Variants in EPB41L5 observed in about 807,000 individuals in gnomAD.
EPB41L5 encodes band 4.1-like protein 5.
A neutral mutation model predicts 106.6 loss-of-function variants in EPB41L5; 55 were observed. The observed-to-expected ratio is 0.52, with a 90% CI of 0.42 to 0.65. The LOEUF (loss-of-function observed/expected upper bound fraction) is 0.65, where lower values mean the gene tolerates loss of function less well. Ranked by LOEUF, EPB41L5 falls within the 30% of genes least tolerant of loss-of-function variation. EPB41L5 has a pLI of 0.00. For missense variants in EPB41L5, 871 were observed against 882.1 expected (o/e 0.99, Z 0.16); for synonymous variants, 297 against 306.7 (o/e 0.97, Z 0.33).
chr2:120,075,554 T>A (rs1321018270), intron 6 of EPB41L5, 34 bp downstream of exon 6: 2 of 1,492,994 alleles, frequency 1.3e-6, no homozygotes. Flanking sequence ...AAATGCACAT[T>A]TTCGTGAGTG....
At chr2:120,112,501 T>C (rs1684768173) in intron 16 of EPB41L5, among the ~76,000 whole-genome samples, 1 of 152,154 alleles carries the variant, frequency 6.6e-6, no homozygotes, top group African/African-American at 2.4e-5. Context: ...TAAACAGTTT[T>C]ACAAATAACT....
intron 18 of EPB41L5, among the ~76,000 whole-genome samples, chr2:120,141,919 A>C (rs1686189540): frequency 6.6e-6 from 1 of 152,064 alleles, no homozygotes; most frequent in African/African-American, 2.4e-5. Flanking sequence ...CATCTGACCA[A>C]GGAAGTAGCA....
intron 14 of EPB41L5, among the ~76,000 whole-genome samples, chr2:120,095,500 CTT>C (rs776154925): frequency 2.8e-5 from 4 of 143,274 alleles, no homozygotes; most frequent in Admixed American, 7.0e-5. Context: ...TCTCTTTATA[CTT>C]TTTTTTTTTT....
chr2:120,174,972 T>C lies in EPB41L5; in HGVS notation c.*65T>C. ...CCTGGGATCCGTTTCAGCTAGAATA[T>C]GTTGGATTCAGGAGCTTGTCCATTA... On this transcript the variant is annotated 3_prime_UTR_variant, in exon 25 of 25. Transcript: ENST00000263713. The C allele has an allele frequency of 6.8e-7, 1 of 1,471,770 alleles. No homozygotes were observed. Among genetic ancestry groups the C allele is most frequent in the Non-Finnish European group, 9.5e-7 (1 of 1,050,174 alleles). The allele number at this position is 1,471,770 out of a possible 1,614,324, so 91.2% of individuals were successfully genotyped here. A position where few individuals can be genotyped will look rare whatever the true frequency, so the allele number is the denominator to read the frequency against.
At chr2:120,077,910 A>C (rs1287394368) in intron 9 of EPB41L5, among the ~76,000 whole-genome samples, 2 of 152,122 alleles carry the variant, frequency 1.3e-5, no homozygotes, top group African/African-American at 4.8e-5. Context: ...GAAACTTATA[A>C]TCATTGGGCA....
intron 18 of EPB41L5, among the ~76,000 whole-genome samples, chr2:120,134,560 G>A (rs980028215): frequency 1.3e-5 from 2 of 152,160 alleles, no homozygotes; most frequent in African/African-American, 4.8e-5. Flanking sequence ...AGGGGTGCTT[G>A]TGTCGTTCCT....
chr2:120,086,142 A>C (rs901322296), intron 10 of EPB41L5, among the ~76,000 whole-genome samples: 3 of 152,206 alleles, frequency 2.0e-5, no homozygotes, highest in African/African-American at 7.2e-5. Flanking sequence ...TGGAGGTTGT[A>C]GTGAGCCAAG....
intron 3 of EPB41L5, among the ~76,000 whole-genome samples, chr2:120,049,184 G>A (rs973598181): frequency 6.6e-6 from 1 of 152,162 alleles, no homozygotes; most frequent in African/African-American, 2.4e-5. Context: ...AGGTCTGCAT[G>A]GTGCAGAGCT....
At chr2:120,026,321 A>T (rs555291919) in intron 2 of EPB41L5, among the ~76,000 whole-genome samples, 8 of 152,078 alleles carry the variant, frequency 5.3e-5, no homozygotes, top group Admixed American at 5.2e-4. Flanking sequence ...TTAGGAGTAA[A>T]TCTTTAGATC....
intron 19 of EPB41L5, among the ~76,000 whole-genome samples, chr2:120,144,019 T>C (rs923041794): frequency 6.6e-6 from 1 of 152,180 alleles, no homozygotes; most frequent in Non-Finnish European, 1.5e-5. Flanking sequence ...CATGGAATAG[T>C]GCCTGGCACA....
chr2:120,098,372 G>A (rs1683909967), intron 14 of EPB41L5, among the ~76,000 whole-genome samples: 2 of 151,710 alleles, frequency 1.3e-5, no homozygotes, highest in African/African-American at 2.4e-5. Flanking sequence ...ACCCTCACAC[G>A]TAGCTATTTT....
chr2:120,106,039 T>C (rs1684435736), intron 16 of EPB41L5: 5 of 984,982 alleles, frequency 5.1e-6, no homozygotes, highest in Non-Finnish European at 6.0e-6. Context: ...CATATATATC[T>C]TAGCAGATTG....
At chr2:120,035,352 G>T (rs1382065802) in intron 2 of EPB41L5, among the ~76,000 whole-genome samples, 2 of 152,102 alleles carry the variant, frequency 1.3e-5, no homozygotes, top group Non-Finnish European at 2.9e-5. Flanking sequence ...TCCTGCCTTG[G>T]CTTCCCAAAG....
chr2:120,174,066 G>A (rs2105582939), intron 24 of EPB41L5, among the ~76,000 whole-genome samples: 1 of 152,272 alleles, frequency 6.6e-6, no homozygotes, highest in African/African-American at 2.4e-5. Context: ...AAATTCACGA[G>A]CCCTCATGCA....
chr2:120,122,207 T>C (rs1443922713), intron 16 of EPB41L5, among the ~76,000 whole-genome samples: 2 of 152,222 alleles, frequency 1.3e-5, no homozygotes, highest in African/African-American at 4.8e-5. Flanking sequence ...GTTTTGGCTT[T>C]TGTTGCCATT....
intron 20 of EPB41L5, among the ~76,000 whole-genome samples, chr2:120,146,653 G>A (rs1379515239): frequency 6.6e-6 from 1 of 152,162 alleles, no homozygotes; most frequent in South Asian, 2.1e-4. Context: ...CTTGCCATGG[G>A]TTCTCACAGT....
At chr2:120,068,040 G>T (rs1319469087) in intron 3 of EPB41L5, among the ~76,000 whole-genome samples, 2 of 152,184 alleles carry the variant, frequency 1.3e-5, no homozygotes, top group African/African-American at 2.4e-5. Context: ...TGAGATCAAC[G>T]TGGAAGGCGG....
chr2:120,096,482 T>C (rs1683762580), intron 14 of EPB41L5, among the ~76,000 whole-genome samples: 1 of 152,214 alleles, frequency 6.6e-6, no homozygotes, highest in African/African-American at 2.4e-5. Context: ...ATTTATAAGC[T>C]ATGTTTTTCA....
Position 120,090,404 on chromosome 2 carries a change from C to G in EPB41L5, c.931C>G (p.His311Asp). 3 of 1,613,546 alleles carry G rather than the reference C, an allele frequency of 1.9e-6. No individual in the cohort carries two copies. Residue 311 changes from histidine to aspartate, a missense_variant, in exon 12 of 25, where the codon CAT becomes GAT. His to Asp is a moderately conservative substitution (Grantham distance 81). Transcript: ENST00000263713. ...ACTGGATCATCCAAAAGCATGCAAA[C>G]ATTTATGGAAATGTGCTGTGGAGCA... ...FRLDHPKACKHLWKCAVEHHA... is the reference protein window; with the variant it reads ...FRLDHPKACKDLWKCAVEHHA...
Sources: gnomAD v4.1 joint callset for allele counts (sites outside exome capture counted in the v4.1 genomes callset) on GRCh38, gnomAD v4.1.1 for gene constraint, MANE v1.5 for transcripts, NCBI Gene and HGNC (gene_info 2026-07-23, HGNC 2026-07-21) for gene names.